Variants in CSMD1 observed in about 807,000 individuals in gnomAD.
The protein encoded by CSMD1 is CUB and sushi domain-containing protein 1.
Under a neutral mutation model 417.5 loss-of-function variants are expected in CSMD1, and 213 were observed. That is an observed-to-expected ratio of 0.51 (90% CI 0.46 to 0.57). The LOEUF (loss-of-function observed/expected upper bound fraction) is 0.57. Ranked by LOEUF, CSMD1 falls within the 20% of genes least tolerant of loss-of-function variation. The probability of loss-of-function intolerance (pLI) is 0.00; values close to 1 mark genes in which losing one functional copy is unlikely to be tolerated. For synonymous variants in CSMD1, 2,862 were observed against 1,736.8 expected, an observed-to-expected ratio of 1.65 and a Z score of -16.11; for missense variants, 6,923 against 4,529.7, an observed-to-expected ratio of 1.53 and a Z score of -15.17.
chr8:4,077,297 G>GTATATATATATATATATATATATGTGTA (rs1799873861), intron 3 of CSMD1, among the ~76,000 whole-genome samples: 2 of 121,290 alleles, frequency 1.6e-5, no homozygotes, highest in African/African-American at 7.0e-5. Context: ...ATATATATGT[G>GTATATATATATATATATATATATGTGTA]TATATATATA....
intron 12 of CSMD1, among the ~76,000 whole-genome samples, chr8:3,445,104 G>A (rs1287445374): frequency 6.6e-6 from 1 of 152,152 alleles, no homozygotes; most frequent in East Asian, 1.9e-4. Context: ...AAGAAAAACA[G>A]AAAATAGGAG....
intron 6 of CSMD1, among the ~76,000 whole-genome samples, chr8:3,737,972 G>C (rs1796609290): frequency 6.6e-6 from 1 of 152,160 alleles, no homozygotes; most frequent in African/African-American, 2.4e-5. Context: ...TAAATTACTT[G>C]TAATAAATTG....
At chr8:4,013,796 C>G (rs1435392115) in intron 4 of CSMD1, among the ~76,000 whole-genome samples, 2 of 152,164 alleles carry the variant, frequency 1.3e-5, no homozygotes, top group Non-Finnish European at 2.9e-5. Context: ...TACTGAAACA[C>G]AGCCAGTCTA....
chr8:2,953,481 C>G (rs1585044621), intron 65 of CSMD1, among the ~76,000 whole-genome samples: 2 of 150,006 alleles, frequency 1.3e-5, no homozygotes, highest in East Asian at 3.9e-4. Context: ...GTGTTAAAAC[C>G]TGAATAAAGA....
In CSMD1 at chr8:2,951,293, A is replaced by G. The variant is rs913074126; in HGVS notation, c.10040-18T>C. The G allele has an allele frequency of 6.3e-7, 1 of 1,591,496 alleles. No homozygotes were observed. The highest frequency in any genetic ancestry group is 8.6e-7 in the Non-Finnish European group (1 of 1,168,568). ...TGAAGGAACTGTGGGAAGGGGGGAA[A>G]CAGACCAATGTCAGCACACACACAA... On this transcript the variant is annotated intron_variant, in intron 65 of 69. Coordinates refer to ENST00000635120, the MANE Select transcript of CSMD1 (RefSeq NM_033225.6).
chr8:4,126,727 G>A (rs772568210), intron 3 of CSMD1, among the ~76,000 whole-genome samples: 13 of 152,100 alleles, frequency 8.5e-5, no homozygotes, highest in Non-Finnish European at 1.2e-4. Flanking sequence ...GCTCCTCTCC[G>A]TTTGAAAAGC....
chr8:3,510,761 G>A (rs1261103948), intron 10 of CSMD1, among the ~76,000 whole-genome samples: 1 of 151,828 alleles, frequency 6.6e-6, no homozygotes, highest in Admixed American at 6.6e-5. Context: ...AATGACCAGT[G>A]AGGATGAGCT....
chr8:3,179,074 A>T, intron 37 of CSMD1, among the ~76,000 whole-genome samples: 1 of 150,764 alleles, frequency 6.6e-6, no homozygotes, highest in South Asian at 2.1e-4. Flanking sequence ...CAGCCTCCTG[A>T]GCAGCTGGGA....
At chr8:4,651,191 A>G (rs1178569239) in intron 1 of CSMD1, among the ~76,000 whole-genome samples, 2 of 152,210 alleles carry the variant, frequency 1.3e-5, no homozygotes, top group Non-Finnish European at 1.5e-5. Flanking sequence ...AAATTCCCTA[A>G]TATCAGATGT....
Position 3,343,433 on chromosome 8 carries a change from G to C in CSMD1, c.3492C>G (p.Asp1164Glu). Residue 1164 changes from aspartate to glutamate, a missense_variant, in exon 23 of 70, where the codon GAC (aspartate) becomes GAG (glutamate). Coordinates refer to ENST00000635120, the MANE Select transcript of CSMD1 (RefSeq NM_033225.6). ...ACGTGCCCAGTGGACGTGAGGAACT[G>C]TCTTTTCCATCATATACCTGATGAA... ...GDTLKVYDGK[D>E]SSSRPLGTFT... is the part of the protein sequence containing the mutation. The C allele has an allele frequency of 1.9e-6, 3 of 1,613,594 alleles. No individual in the cohort carries two copies. Among genetic ancestry groups the C allele is most frequent in the East Asian group, 2.2e-5 (1 of 44,854 alleles).
At chr8:4,044,200 G>C (rs1798033920) in intron 3 of CSMD1, among the ~76,000 whole-genome samples, 1 of 152,090 alleles carries the variant, frequency 6.6e-6, no homozygotes. Flanking sequence ...TGAGGGATCT[G>C]CACAATAACT....
chr8:3,688,268 T>A (rs980883833), intron 7 of CSMD1, among the ~76,000 whole-genome samples: 4 of 152,200 alleles, frequency 2.6e-5, no homozygotes, highest in African/African-American at 9.6e-5. Flanking sequence ...TATTGTCTCT[T>A]TTCTTTTGAA....
Position 4,220,962 on chromosome 8 carries a change from G to A in CSMD1, c.416-188863C>T, listed in dbSNP as rs367891794. 3.9e-5 allele frequency among the ~76,000 whole-genome samples: 6 copies of A among 152,312 alleles called. No homozygotes were observed. In the East Asian group the frequency reaches 9.7e-4, roughly 25 times the overall value. On this transcript the variant is annotated intron_variant, in intron 3 of 69. Transcript: ENST00000635120. ...TTCACACCACACGGTTGAGTGCGCA[G>A]GCGCCCAGAGGAGCCCTTGGGGTGC...
intron 16 of CSMD1, among the ~76,000 whole-genome samples, chr8:3,399,065 G>C (rs1013122603): frequency 6.6e-6 from 1 of 152,062 alleles, no homozygotes; most frequent in African/African-American, 2.4e-5. Flanking sequence ...ACCCAGAGTG[G>C]TTTCCATGTG....
chr8:3,180,875 G>A (rs1409732027), intron 37 of CSMD1, among the ~76,000 whole-genome samples: 6 of 151,942 alleles, frequency 3.9e-5, no homozygotes, highest in Admixed American at 3.3e-4. Flanking sequence ...AACACCTGAT[G>A]TCTGGTGATC....
At chr8:4,890,205 A>T (rs959613954) in intron 1 of CSMD1, among the ~76,000 whole-genome samples, 1 of 152,144 alleles carries the variant, frequency 6.6e-6, no homozygotes, top group Non-Finnish European at 1.5e-5. Context: ...TCATAAACAC[A>T]CTTGATCTTG....
At chr8:4,155,084 C>T (rs559810093) in intron 3 of CSMD1, among the ~76,000 whole-genome samples, 1 of 152,318 alleles carries the variant, frequency 6.6e-6, no homozygotes, top group East Asian at 1.9e-4. Flanking sequence ...GTGCTTTGAA[C>T]TCATGCAATG....
At chr8:4,140,265 G>A (rs987299318) in intron 3 of CSMD1, among the ~76,000 whole-genome samples, 1 of 150,960 alleles carries the variant, frequency 6.6e-6, no homozygotes, top group African/African-American at 2.5e-5. Flanking sequence ...GGGAAGCTAA[G>A]GCGGGTGGAT....
intron 3 of CSMD1, among the ~76,000 whole-genome samples, chr8:4,115,094 A>G (rs974947702): frequency 6.6e-6 from 1 of 152,226 alleles, no homozygotes; most frequent in Admixed American, 6.5e-5. Flanking sequence ...ACGGAATTGA[A>G]ACCTAGAGAT....
Sources: gnomAD v4.1 joint callset for allele counts (sites outside exome capture counted in the v4.1 genomes callset) on GRCh38, gnomAD v4.1.1 for gene constraint, MANE v1.5 for transcripts, NCBI Gene and HGNC (gene_info 2026-07-23, HGNC 2026-07-21) for gene names.